The following SH3D19 variants were observed in gnomAD, a reference collection of about 807,000 sequenced individuals.
SH3D19 encodes the protein SH3 domain-containing protein 19.
SH3D19 carries 58 observed loss-of-function variants against 112.1 expected under a neutral mutation model. The ratio of observed to expected loss-of-function variants is 0.52; its 90% CI spans 0.42 to 0.64. The LOEUF is 0.64. Among genes scored for constraint, SH3D19 ranks in the 30% least tolerant of loss-of-function variants. The pLI is 0.00. For missense variants in SH3D19, 1,090 were observed against 1,263.4 expected, an observed-to-expected ratio of 0.86 and a Z score of 2.08; for synonymous variants, 391 against 448.5, an observed-to-expected ratio of 0.87 and a Z score of 1.62.
intron 1 of SH3D19, among the ~76,000 whole-genome samples, chr4:151,260,102 T>A (rs575446661): frequency 6.6e-6 from 1 of 152,338 alleles, no homozygotes; most frequent in African/African-American, 2.4e-5. Flanking sequence ...TTTGTATGCA[T>A]TTATGGAGTA....
chr4:151,305,106 C>T (rs60507963), intron 1 of SH3D19, among the ~76,000 whole-genome samples: 7,504 of 152,194 alleles, frequency 0.049, 199 homozygotes, highest in Middle Eastern at 0.11. Context: ...AACAAACAAC[C>T]ACAACCATAA....
At position 151,216,121 on chromosome 4, in the gene SH3D19, G is replaced by A. The variant is rs551846371; in HGVS notation, c.152+9926C>T. 1.8e-4 allele frequency among the ~76,000 whole-genome samples: 27 copies of A among 152,266 alleles called. No homozygotes were observed. In the South Asian group the frequency reaches 4.6e-3, roughly 26 times the overall value. On this transcript the variant is annotated intron_variant, in intron 2 of 19. Coordinates refer to ENST00000604030, the MANE Select transcript of SH3D19 (RefSeq NM_001378122.1). Reference sequence around the variant, plus strand: ...TGGGATTACAGGCATGAGCCACCGCGCCCAGCCAGGGTGTTACCTTTAAGG... The same window carrying A: ...TGGGATTACAGGCATGAGCCACCGCACCCAGCCAGGGTGTTACCTTTAAGG...
intron 2 of SH3D19, among the ~76,000 whole-genome samples, chr4:151,218,860 C>T (rs759586042): frequency 6.6e-6 from 1 of 152,072 alleles, no homozygotes; most frequent in African/African-American, 2.4e-5. Flanking sequence ...TGAAAGCAGC[C>T]CAAGATGATA....
chr4:151,200,926 G>A (rs1216824959), intron 2 of SH3D19, among the ~76,000 whole-genome samples: 1 of 152,092 alleles, frequency 6.6e-6, no homozygotes, highest in East Asian at 1.9e-4. Flanking sequence ...TTGGAATTAC[G>A]CTCAGAGAGC....
intron 1 of SH3D19, among the ~76,000 whole-genome samples, chr4:151,260,463 C>G (rs1276880982): frequency 6.6e-6 from 1 of 152,142 alleles, no homozygotes; most frequent in Non-Finnish European, 1.5e-5. Context: ...TCTCACTTTC[C>G]CTCACCTTCC....
intron 1 of SH3D19, among the ~76,000 whole-genome samples, chr4:151,286,184 G>GAAAAAAAAAAAAAAAAAAAAAA (rs56850648): frequency 5.8e-5 from 5 of 86,628 alleles, no homozygotes; most frequent in Non-Finnish European, 8.2e-5. Context: ...CTGTCTTAAA[G>GAAAAAAAAAAAAAAAAAAAAAA]AAAAAAAAAA....
intron 2 of SH3D19, among the ~76,000 whole-genome samples, chr4:151,221,558 T>C (rs1247911062): frequency 6.6e-6 from 1 of 152,198 alleles, no homozygotes; most frequent in African/African-American, 2.4e-5. Flanking sequence ...CCAATAATAG[T>C]CGTGGGCGAG....
chr4:151,244,925 C>T lies in SH3D19; in HGVS notation c.113-18839G>A, dbSNP rs62344986. On this transcript the variant is annotated intron_variant, in intron 1 of 19. Transcript: ENST00000604030. ...TTGGGAGGCCGAGGCGGGCAGATCA[C>T]GAGGTCAGGAGATAAGAGACCATCC... Among the ~76,000 whole-genome samples the T allele has an allele frequency of 1.3e-5, 2 of 151,996 alleles. 1 individual carries two copies.
chr4:151,252,900 C>T (rs1020929570), intron 1 of SH3D19, among the ~76,000 whole-genome samples: 1 of 152,194 alleles, frequency 6.6e-6, no homozygotes, highest in African/African-American at 2.4e-5. Flanking sequence ...TCAGCAAGTC[C>T]TGTGTGTTCT....
chr4:151,122,441 CTT>C (rs1370451176), intron 19 of SH3D19, among the ~76,000 whole-genome samples: 3 of 152,060 alleles, frequency 2.0e-5, no homozygotes, highest in Non-Finnish European at 4.4e-5. Context: ...GATTTTCCCT[CTT>C]ATACTTTGTG....
intron 19 of SH3D19, among the ~76,000 whole-genome samples, chr4:151,125,565 A>T (rs993669505): frequency 1.3e-5 from 2 of 151,716 alleles, no homozygotes; most frequent in Admixed American, 6.6e-5. Flanking sequence ...AGAAAGAAAG[A>T]GAGAGAGGCC....
rs966567381 is a variant in SH3D19, at chr4:151,202,768, T to G, written c.153-15305A>C. 1.3e-5 allele frequency among the ~76,000 whole-genome samples: 2 copies of G among 152,316 alleles called. 1 individual carries two copies. ...CTTTAGTAATCCCACTACCTTTAGG[T>G]TCCATCTATTTAGGTAGCAAGTATT... On this transcript the variant is annotated intron_variant, in intron 2 of 19. Transcript: ENST00000604030.
At chr4:151,144,139 A>G in intron 11 of SH3D19, 89 bp from the exon 12 acceptor site, 1 of 1,589,008 alleles carries the variant, frequency 6.3e-7, no homozygotes, top group Non-Finnish European at 8.6e-7. Context: ...AGCCTAAAGC[A>G]TTTAATAATG....
At chr4:151,193,260 A>C (rs1762920209) in intron 2 of SH3D19, among the ~76,000 whole-genome samples, 1 of 151,248 alleles carries the variant, frequency 6.6e-6, no homozygotes, top group African/African-American at 2.5e-5. Flanking sequence ...CTAATGTTTA[A>C]AATAGGTTTG....
At chr4:151,158,364 A>T (rs986656702) in intron 9 of SH3D19, among the ~76,000 whole-genome samples, 6 of 152,108 alleles carry the variant, frequency 3.9e-5, no homozygotes, top group African/African-American at 1.4e-4. Flanking sequence ...CAGTGGCGTG[A>T]TCTTGGCTCA....
intron 1 of SH3D19, among the ~76,000 whole-genome samples, chr4:151,276,588 G>A (rs970831860): frequency 3.3e-5 from 5 of 152,086 alleles, no homozygotes; most frequent in Non-Finnish European, 7.3e-5. Flanking sequence ...TGTTGCAAAC[G>A]CATCACAGTT....
intron 7 of SH3D19, among the ~76,000 whole-genome samples, chr4:151,167,827 G>A (rs1234934061): frequency 1.3e-5 from 2 of 151,096 alleles, no homozygotes; most frequent in East Asian, 3.9e-4. Context: ...GGGAAGTAAG[G>A]AGCGCCTCTG....
Position 151,175,672 on chromosome 4 carries a change from G to A in SH3D19, c.532C>T (p.Leu178=). Reference sequence around the variant, plus strand: ...TGAAGAGGCTTGAGAGGTGCCTGTAGTGCTGACGAGACCAAAACAAAACCA... The same window carrying A: ...TGAAGAGGCTTGAGAGGTGCCTGTAATGCTGACGAGACCAAAACAAAACCA... ...EEIDNDLPQT[L]QAPLKPLQPF... Residue 178 remains leucine (L), a splice_region_variant and synonymous_variant, in exon 7 of 20, where the codon CTA becomes TTA. Coordinates refer to ENST00000604030, the MANE Select transcript of SH3D19 (RefSeq NM_001378122.1). 1 of 1,254,406 alleles carries A rather than the reference G, an allele frequency of 8.0e-7. No homozygotes were observed. The highest frequency in any genetic ancestry group is 1.0e-6 in the Non-Finnish European group (1 of 1,001,740). 77.7% of individuals were successfully genotyped at this position (1,254,406 alleles called of 1,614,324 possible).
At chr4:151,303,273 T>C (rs911189063) in intron 1 of SH3D19, among the ~76,000 whole-genome samples, 1 of 152,204 alleles carries the variant, frequency 6.6e-6, no homozygotes, top group African/African-American at 2.4e-5. Context: ...AGCCAGTGTT[T>C]TGAAAAATGA....
Sources: gnomAD v4.1 joint callset for allele counts (sites outside exome capture counted in the v4.1 genomes callset) on GRCh38, gnomAD v4.1.1 for gene constraint, MANE v1.5 for transcripts, NCBI Gene and HGNC (gene_info 2026-07-23, HGNC 2026-07-21) for gene names.